LGSN: variants seen among roughly 807,000 people sequenced by gnomAD.
LGSN encodes lengsin.
A neutral mutation model predicts 19.5 loss-of-function variants in LGSN; 21 were observed. That is an observed-to-expected ratio of 1.07 (90% CI 0.76 to 1.55). The LOEUF (loss-of-function observed/expected upper bound fraction) is 1.55, where lower values mean the gene tolerates loss of function less well. Ranked by LOEUF, LGSN falls within the 40% of genes most tolerant of loss-of-function variation. LGSN has a pLI of 0.00. For missense variants in LGSN, 673 were observed against 608.5 expected (o/e 1.11, Z -1.12); for synonymous variants, 257 against 215.6 (o/e 1.19, Z -1.68).
At chr6:63,562,916 CAGCACCAT>C in the LGSN span, among the ~76,000 whole-genome samples, 3 of 152,204 alleles carry the variant, frequency 2.0e-5, no homozygotes, top group Non-Finnish European at 2.9e-5. Flanking sequence ...CCTATACATT[CAGCACCAT>C]AGCATAAAAC....
At chr6:63,555,525 A>G in the LGSN span, among the ~76,000 whole-genome samples, 1 of 151,838 alleles carries the variant, frequency 6.6e-6, no homozygotes, top group Non-Finnish European at 1.5e-5. Context: ...TGCTGCTGCA[A>G]TCATAGTTCT....
chr6:63,460,841 G>A, the LGSN span, among the ~76,000 whole-genome samples: 2 of 152,172 alleles, frequency 1.3e-5, no homozygotes, highest in Admixed American at 6.5e-5. Flanking sequence ...AGTTCACTAA[G>A]GTGATGACTC....
At chr6:63,401,357 G>A in the LGSN span, among the ~76,000 whole-genome samples, 1 of 150,412 alleles carries the variant, frequency 6.6e-6, no homozygotes, top group East Asian at 2.0e-4. Flanking sequence ...CCATGAGCAT[G>A]CCACTGCACA....
the LGSN span, among the ~76,000 whole-genome samples, chr6:63,355,756 A>G: frequency 0.13 from 20,140 of 152,144 alleles, 2,946 homozygotes; most frequent in African/African-American, 0.36. Context: ...TTGGCTCACC[A>G]CAACCTCTGC....
the LGSN span, among the ~76,000 whole-genome samples, chr6:63,361,114 T>C: frequency 7.9e-5 from 12 of 152,226 alleles, no homozygotes; most frequent in Non-Finnish European, 1.6e-4. Flanking sequence ...GGGACCCACT[T>C]GAGAAGGCAG....
the LGSN span, among the ~76,000 whole-genome samples, chr6:63,419,719 C>G: frequency 6.6e-6 from 1 of 150,576 alleles, no homozygotes; most frequent in African/African-American, 2.4e-5. Context: ...TGAAACCCGT[C>G]TCTACTAAAA....
chr6:63,357,117 T>A, the LGSN span, among the ~76,000 whole-genome samples: 5 of 152,044 alleles, frequency 3.3e-5, no homozygotes, highest in Non-Finnish European at 5.9e-5. Flanking sequence ...TTGCTGAGAA[T>A]GCTGGTTTCC....
the LGSN span, among the ~76,000 whole-genome samples, chr6:63,384,400 T>C: frequency 6.6e-6 from 1 of 152,164 alleles, no homozygotes; most frequent in African/African-American, 2.4e-5. Context: ...GGTTTTCCAC[T>C]ACCGTTATGA....
At chr6:63,519,926 A>G in the LGSN span, among the ~76,000 whole-genome samples, 1 of 152,250 alleles carries the variant, frequency 6.6e-6, no homozygotes, top group South Asian at 2.1e-4. Context: ...GACTTGAAAT[A>G]GACATTCAAC....
the LGSN span, among the ~76,000 whole-genome samples, chr6:63,494,874 A>T: frequency 2.0e-5 from 3 of 152,374 alleles, no homozygotes; most frequent in East Asian, 5.8e-4. Context: ...AGATAATATC[A>T]GTAGAACAAT....
the LGSN span, among the ~76,000 whole-genome samples, chr6:63,475,314 C>CAAAA: frequency 6.0e-5 from 6 of 99,246 alleles, no homozygotes; most frequent in Non-Finnish European, 7.6e-5. Context: ...ATAGATCTGC[C>CAAAA]AAAAAAAAAA....
intron 1 of LGSN, among the ~76,000 whole-genome samples, chr6:63,306,805 A>G (rs892503229): frequency 6.6e-6 from 1 of 152,186 alleles, no homozygotes; most frequent in Admixed American, 6.5e-5. Flanking sequence ...TTGTTGCCAT[A>G]TTAAAACGTG....
the LGSN span, among the ~76,000 whole-genome samples, chr6:63,479,213 C>T: frequency 6.6e-6 from 1 of 152,132 alleles, no homozygotes; most frequent in Non-Finnish European, 1.5e-5. Flanking sequence ...TGGTGATCAA[C>T]TGCTTTCAAA....
the LGSN span, among the ~76,000 whole-genome samples, chr6:63,400,420 G>A: frequency 1.3e-5 from 2 of 152,186 alleles, no homozygotes; most frequent in Non-Finnish European, 2.9e-5. Flanking sequence ...TGGATAAAGT[G>A]CACCTCCAGG....
the LGSN span, among the ~76,000 whole-genome samples, chr6:63,344,239 G>A: frequency 0.033 from 5,042 of 152,202 alleles, 283 homozygotes; most frequent in African/African-American, 0.12. Context: ...AGTGATAAAG[G>A]GCTAGAAATA....
the LGSN span, among the ~76,000 whole-genome samples, chr6:63,382,322 C>T: frequency 2.6e-5 from 4 of 152,120 alleles, no homozygotes; most frequent in Admixed American, 2.6e-4. Flanking sequence ...GTATACAGTA[C>T]ATTGAATATG....
the LGSN span, among the ~76,000 whole-genome samples, chr6:63,552,102 C>T: frequency 8.5e-5 from 13 of 152,116 alleles, no homozygotes; most frequent in African/African-American, 3.1e-4. Flanking sequence ...GTTCTAGATC[C>T]CTGAGGAATC....
chr6:63,409,879 T>C, the LGSN span, among the ~76,000 whole-genome samples: 9 of 152,022 alleles, frequency 5.9e-5, no homozygotes, highest in South Asian at 1.0e-3. Flanking sequence ...CTACTAAAAA[T>C]AGAAAAATTA....
At chr6:63,456,604 T>C in the LGSN span, among the ~76,000 whole-genome samples, 1 of 151,858 alleles carries the variant, frequency 6.6e-6, no homozygotes, top group Non-Finnish European at 1.5e-5. Flanking sequence ...CTGTAAGTTG[T>C]GCTCCCTGGA....
Sources: gnomAD v4.1 joint callset for allele counts (sites outside exome capture counted in the v4.1 genomes callset) on GRCh38, gnomAD v4.1.1 for gene constraint, MANE v1.5 for transcripts, NCBI Gene and HGNC (gene_info 2026-07-23, HGNC 2026-07-21) for gene names.